EPHA3: variants seen among roughly 807,000 people sequenced by gnomAD.
EPHA3 encodes the protein EPH receptor A3, also known as ephrin type-A receptor 3.
Under a neutral mutation model 107.1 loss-of-function variants are expected in EPHA3, and 42 were observed. That is an observed-to-expected ratio of 0.39 (90% CI 0.31 to 0.51). The LOEUF (loss-of-function observed/expected upper bound fraction) is 0.51, where lower values mean the gene tolerates loss of function less well. Ranked by LOEUF, EPHA3 falls within the 20% of genes least tolerant of loss-of-function variation. EPHA3 has a pLI of 0.78. For missense variants in EPHA3, 1,183 were observed against 1,211.2 expected, an observed-to-expected ratio of 0.98 and a Z score of 0.35; for synonymous variants, 461 against 424.8, an observed-to-expected ratio of 1.09 and a Z score of -1.05.
chr3:89,476,960 A>ATATG (rs1327990529), intron 16 of EPHA3, among the ~76,000 whole-genome samples: 1 of 151,988 alleles, frequency 6.6e-6, no homozygotes, highest in African/African-American at 2.4e-5. Context: ...AAAACATAGG[A>ATATG]TATGGTATTG....
chr3:89,318,023 A>C (rs1174248525), intron 3 of EPHA3, among the ~76,000 whole-genome samples: 1 of 151,842 alleles, frequency 6.6e-6, no homozygotes, highest in Non-Finnish European at 1.5e-5. Context: ...TTAATTTGTA[A>C]CAATTTCCGT....
At chr3:89,323,740 G>T (rs1707097853) in intron 3 of EPHA3, among the ~76,000 whole-genome samples, 1 of 152,106 alleles carries the variant, frequency 6.6e-6, no homozygotes, top group African/African-American at 2.4e-5. Flanking sequence ...AGTAAAGATA[G>T]TTTATTTTTC....
chr3:89,385,524 A>T (rs1708597204), intron 5 of EPHA3, among the ~76,000 whole-genome samples: 1 of 152,166 alleles, frequency 6.6e-6, no homozygotes, highest in Admixed American at 6.5e-5. Context: ...TTCTGCCATG[A>T]TTGTAAATTT....
intron 2 of EPHA3, among the ~76,000 whole-genome samples, chr3:89,197,362 C>T (rs1458499294): frequency 6.6e-6 from 1 of 151,330 alleles, no homozygotes; most frequent in African/African-American, 2.4e-5. Context: ...CCATTTTAAA[C>T]ATGATATACC....
At chr3:89,235,358 A>G (rs896926347) in intron 3 of EPHA3, among the ~76,000 whole-genome samples, 7 of 152,208 alleles carry the variant, frequency 4.6e-5, no homozygotes, top group African/African-American at 1.7e-4. Context: ...GATTTCTAAT[A>G]ACAATCTAGA....
At chr3:89,111,307 A>G (rs1707100843) in intron 1 of EPHA3, among the ~76,000 whole-genome samples, 3 of 152,102 alleles carry the variant, frequency 2.0e-5, no homozygotes, top group Non-Finnish European at 4.4e-5. Context: ...TTTCATATAT[A>G]AACACTTTTC....
intron 13 of EPHA3, among the ~76,000 whole-genome samples, chr3:89,434,658 G>A (rs1212607426): frequency 6.6e-6 from 1 of 152,122 alleles, no homozygotes; most frequent in Non-Finnish European, 1.5e-5. Flanking sequence ...AGAACACAGG[G>A]GGTTAACTCT....
chr3:89,313,544 A>T (rs1357266768), intron 3 of EPHA3, among the ~76,000 whole-genome samples: 1 of 151,900 alleles, frequency 6.6e-6, no homozygotes. Context: ...TTCAATGTTT[A>T]TCTGTAACTT....
chr3:89,353,887 G>T (rs1291210611), intron 5 of EPHA3, among the ~76,000 whole-genome samples: 2 of 151,186 alleles, frequency 1.3e-5, no homozygotes, highest in African/African-American at 2.4e-5. Context: ...CTTCATTTCT[G>T]GTTTTATATA....
chr3:89,479,420 C>A lies in EPHA3; in HGVS notation c.2870C>A (p.Thr957Asn). 6.2e-7 allele frequency: 1 copy of A among 1,614,112 alleles called. No homozygotes were observed. The highest frequency in any genetic ancestry group is 1.3e-5 in the African/African-American group (1 of 75,026). Reference protein sequence around the residue: ...STDDMKKVGVTVVGPQKKIIS... With the variant: ...STDDMKKVGVNVVGPQKKIIS... Reference sequence around the variant, plus strand: ...AGTGACATGAAAAAGGTTGGTGTCACCGTGGTTGGGCCACAGAAGAAGATC... The same window carrying A: ...AGTGACATGAAAAAGGTTGGTGTCAACGTGGTTGGGCCACAGAAGAAGATC... Residue 957 changes from threonine to asparagine, a missense_variant, in exon 17 of 17, where the codon ACC becomes AAC. Coordinates refer to ENST00000336596, the MANE Select transcript of EPHA3 (RefSeq NM_005233.6).
intron 11 of EPHA3, among the ~76,000 whole-genome samples, chr3:89,425,237 T>C (rs1709431947): frequency 6.6e-6 from 1 of 151,474 alleles, no homozygotes; most frequent in Non-Finnish European, 1.5e-5. Flanking sequence ...CTCAGCTCAA[T>C]ATTTCATTTC....
chr3:89,275,494 A>G (rs1335143851), intron 3 of EPHA3, among the ~76,000 whole-genome samples: 1 of 152,046 alleles, frequency 6.6e-6, no homozygotes, highest in Non-Finnish European at 1.5e-5. Flanking sequence ...ACCCTCACCT[A>G]TAATAAGTGA....
At chr3:89,396,559 A>G (rs1708855207) in intron 6 of EPHA3, among the ~76,000 whole-genome samples, 2 of 152,332 alleles carry the variant, frequency 1.3e-5, no homozygotes, top group South Asian at 2.1e-4. Flanking sequence ...TTTAAAAATT[A>G]TTAAAAAATA....
chr3:89,473,500 G>A (rs1435806965), intron 16 of EPHA3, among the ~76,000 whole-genome samples: 1 of 152,212 alleles, frequency 6.6e-6, no homozygotes, highest in Non-Finnish European at 1.5e-5. Context: ...TCATCTCACT[G>A]TGATTGAGAA....
At chr3:89,271,308 G>A (rs1019079898) in intron 3 of EPHA3, among the ~76,000 whole-genome samples, 2 of 152,022 alleles carry the variant, frequency 1.3e-5, no homozygotes, top group African/African-American at 4.8e-5. Context: ...AATGTAAAGT[G>A]GGGTTTGTTA....
intron 3 of EPHA3, among the ~76,000 whole-genome samples, chr3:89,218,657 C>T (rs147895267): frequency 3.9e-4 from 59 of 152,026 alleles, no homozygotes; most frequent in African/African-American, 8.9e-4. Context: ...TAACCAGTAA[C>T]GGGATTGCTG....
intron 7 of EPHA3, among the ~76,000 whole-genome samples, chr3:89,406,430 A>G (rs1709056247): frequency 6.6e-6 from 1 of 152,182 alleles, no homozygotes; most frequent in African/African-American, 2.4e-5. Context: ...TAGGCCAGAT[A>G]ATAAATATTT....
chr3:89,176,190 A>G (rs1431496675), intron 2 of EPHA3, among the ~76,000 whole-genome samples: 1 of 152,126 alleles, frequency 6.6e-6, no homozygotes, highest in Non-Finnish European at 1.5e-5. Flanking sequence ...ACTTAGAAAT[A>G]TCTTTTTGTG....
intron 16 of EPHA3, among the ~76,000 whole-genome samples, chr3:89,476,659 G>C (rs1198059981): frequency 6.6e-6 from 1 of 150,478 alleles, no homozygotes; most frequent in Non-Finnish European, 1.5e-5. Flanking sequence ...CCAGGCTGGA[G>C]TGCAGTGGCG....
Sources: gnomAD v4.1 joint callset for allele counts (sites outside exome capture counted in the v4.1 genomes callset) on GRCh38, gnomAD v4.1.1 for gene constraint, MANE v1.5 for transcripts, NCBI Gene and HGNC (gene_info 2026-07-23, HGNC 2026-07-21) for gene names.